The following EXOC4 variants were observed in gnomAD, a reference collection of about 807,000 sequenced individuals.
EXOC4 encodes the protein exocyst complex component 4.
Under a neutral mutation model 107.2 loss-of-function variants are expected in EXOC4, and 71 were observed. The observed-to-expected ratio is 0.66, with a 90% CI of 0.55 to 0.81. The LOEUF (loss-of-function observed/expected upper bound fraction) is 0.81, where lower values mean the gene tolerates loss of function less well. Ranked by LOEUF, EXOC4 falls within the 30% of genes least tolerant of loss-of-function variation. The pLI is 0.00. For missense variants in EXOC4, 1,108 were observed against 1,189.6 expected, an observed-to-expected ratio of 0.93 and a Z score of 1.01; for synonymous variants, 456 against 441.2, an observed-to-expected ratio of 1.03 and a Z score of -0.42.
chr7:133,450,753 A>T (rs13241123), intron 7 of EXOC4, among the ~76,000 whole-genome samples: 38,874 of 152,206 alleles, frequency 0.26, 5,374 homozygotes, highest in South Asian at 0.39. Flanking sequence ...TTCCTGAAAC[A>T]CATAAAATAA....
chr7:133,760,176 A>G (rs1264800192), intron 10 of EXOC4, among the ~76,000 whole-genome samples: 4 of 152,226 alleles, frequency 2.6e-5, no homozygotes, highest in Admixed American at 6.5e-5. Flanking sequence ...AGCAAGTTGT[A>G]TAGAGTCAAA....
downstream of EXOC4, among the ~76,000 whole-genome samples, chr7:134,070,593 G>A (rs12539923): frequency 0.74 from 112,313 of 151,868 alleles, 41,922 homozygotes; most frequent in East Asian, 0.87. Flanking sequence ...GTGATGAAAC[G>A]TACACCATGT....
chr7:133,866,901 T>G (rs916457465), intron 11 of EXOC4, among the ~76,000 whole-genome samples: 1 of 152,232 alleles, frequency 6.6e-6, no homozygotes, highest in African/African-American at 2.4e-5. Flanking sequence ...CTTTCTCTCC[T>G]GAAGAGAGAA....
intron 9 of EXOC4, among the ~76,000 whole-genome samples, chr7:133,495,680 A>G (rs371530605): frequency 2.8e-4 from 42 of 152,304 alleles, no homozygotes; most frequent in Non-Finnish European, 5.6e-4. Flanking sequence ...TTATTATTGC[A>G]TAGTATTTTA....
intron 17 of EXOC4, 108 bp downstream of exon 17, chr7:134,007,943 AAAAG>A: frequency 9.7e-7 from 1 of 1,028,876 alleles, no homozygotes. Flanking sequence ...TTAGTTTAAA[AAAAG>A]AAAGAAGCAC....
At chr7:133,417,863 C>A (rs1241015823) in intron 7 of EXOC4, among the ~76,000 whole-genome samples, 1 of 152,128 alleles carries the variant, frequency 6.6e-6, no homozygotes, top group African/African-American at 2.4e-5. Context: ...GCATGTGAAA[C>A]ATTAGAATTC....
intron 14 of EXOC4, among the ~76,000 whole-genome samples, chr7:133,944,771 ACT>A (rs920844577): frequency 5.9e-5 from 9 of 151,928 alleles, no homozygotes; most frequent in Non-Finnish European, 1.0e-4. Context: ...GGTCTGAAAG[ACT>A]CTGTGGGAGG....
At chr7:133,345,371 T>G (rs1795761029) in intron 5 of EXOC4, among the ~76,000 whole-genome samples, 1 of 152,190 alleles carries the variant, frequency 6.6e-6, no homozygotes, top group Admixed American at 6.5e-5. Context: ...TCTCCCTGAG[T>G]AACTGAACTT....
chr7:133,897,329 T>G (rs74826749), intron 12 of EXOC4, among the ~76,000 whole-genome samples: 12,084 of 152,204 alleles, frequency 0.079, 675 homozygotes, highest in Middle Eastern at 0.14. Flanking sequence ...TCAAAACTTA[T>G]ATTTAGGTTA....
chr7:133,536,124 A>C (rs1203156771), intron 9 of EXOC4, among the ~76,000 whole-genome samples: 1 of 152,210 alleles, frequency 6.6e-6, no homozygotes, highest in Non-Finnish European at 1.5e-5. Context: ...TGAGTTACTC[A>C]AATACTCCTA....
At position 133,604,706 on chromosome 7, in the gene EXOC4, C is replaced by CTTTTTTTTTTTTTTTTTTT. The variant is rs1554477961; in HGVS notation, c.1418-25336_1418-25335insTTTTTTTTTTTTTTTTTTT. On this transcript the variant is annotated intron_variant, in intron 9 of 17. Coordinates refer to ENST00000253861, the MANE Select transcript of EXOC4 (RefSeq NM_021807.4). ...TTTTTCTTTCCTTCCTTCCTTCCTT[C>CTTTTTTTTTTTTTTTTTTT]TTTCTTTTTTTTTTTTTTTTTTTTT... Among the ~76,000 whole-genome samples, 154 of 87,512 alleles carry CTTTTTTTTTTTTTTTTTTT rather than the reference C, an allele frequency of 1.8e-3. 28 individuals carry two copies. Among genetic ancestry groups the CTTTTTTTTTTTTTTTTTTT allele is most frequent in the Non-Finnish European group, 2.1e-3 (94 of 44,030 alleles). The allele number at this position is 87,512 out of a possible 152,430, so 57.4% of individuals were successfully genotyped here. A position where few individuals can be genotyped will look rare whatever the true frequency, so the allele number is the denominator to read the frequency against.
chr7:134,053,542 A>G (rs975456578), intron 17 of EXOC4, among the ~76,000 whole-genome samples: 4 of 149,650 alleles, frequency 2.7e-5, no homozygotes, highest in Non-Finnish European at 4.4e-5. Context: ...GTATATGCTG[A>G]TGAAAGTATA....
At chr7:133,275,260 G>A (rs978175925) in intron 2 of EXOC4, 89 bp downstream of exon 2, 1 of 1,072,082 alleles carries the variant, frequency 9.3e-7, no homozygotes, top group African/African-American at 1.6e-5. Context: ...GTGGCTAATG[G>A]TCCTTAACAA....
chr7:133,604,706 C>CCTTCTTTT (rs1191856891), intron 9 of EXOC4, among the ~76,000 whole-genome samples: 2 of 87,536 alleles, frequency 2.3e-5, no homozygotes, highest in African/African-American at 4.4e-5. Flanking sequence ...TTCCTTCCTT[C>CCTTCTTTT]TTTCTTTTTT....
intron 2 of EXOC4, among the ~76,000 whole-genome samples, chr7:133,277,349 G>A (rs1794020432): frequency 6.6e-6 from 1 of 152,198 alleles, no homozygotes; most frequent in South Asian, 2.1e-4. Flanking sequence ...TAACAGCAAA[G>A]GTGAAGGACC....
At chr7:133,804,942 T>A (rs534217803) in intron 10 of EXOC4, among the ~76,000 whole-genome samples, 2 of 152,298 alleles carry the variant, frequency 1.3e-5, no homozygotes, top group East Asian at 3.9e-4. Flanking sequence ...GTATCCGCTT[T>A]AAGAAGGACT....
chr7:133,956,083 C>T (rs1800812852), intron 14 of EXOC4, among the ~76,000 whole-genome samples: 1 of 152,260 alleles, frequency 6.6e-6, no homozygotes, highest in African/African-American at 2.4e-5. Flanking sequence ...CCTGGGTCCG[C>T]AGCTGCAACT....
chr7:133,398,700 T>C (rs2150728210), intron 7 of EXOC4, among the ~76,000 whole-genome samples: 1 of 152,312 alleles, frequency 6.6e-6, no homozygotes, highest in East Asian at 1.9e-4. Context: ...TTCTGCTTTA[T>C]TTTCATAAGT....
intron 5 of EXOC4, among the ~76,000 whole-genome samples, chr7:133,346,901 A>G (rs996554794): frequency 1.3e-5 from 2 of 152,200 alleles, no homozygotes; most frequent in Non-Finnish European, 2.9e-5. Context: ...ACATGTACAA[A>G]TATAAATGAA....
Sources: gnomAD v4.1 joint callset for allele counts (sites outside exome capture counted in the v4.1 genomes callset) on GRCh38, gnomAD v4.1.1 for gene constraint, MANE v1.5 for transcripts, NCBI Gene and HGNC (gene_info 2026-07-23, HGNC 2026-07-21) for gene names.